Variants in GALNTL6 observed in about 807,000 individuals in gnomAD.
GALNTL6 encodes polypeptide N-acetylgalactosaminyltransferase-like 6.
Under a neutral mutation model 73.7 loss-of-function variants are expected in GALNTL6, and 46 were observed. The observed-to-expected ratio is 0.62, with a 90% confidence interval of 0.49 to 0.80. The LOEUF (loss-of-function observed/expected upper bound fraction) is 0.80. Ranked by LOEUF, GALNTL6 falls within the 30% of genes least tolerant of loss-of-function variation. The pLI is 0.00. For missense variants in GALNTL6, 604 were observed against 755.0 expected, an observed-to-expected ratio of 0.80 and a Z score of 2.34; for synonymous variants, 259 against 263.7, an observed-to-expected ratio of 0.98 and a Z score of 0.17.
chr4:171,867,314 C>G (rs1659977252), intron 2 of GALNTL6, among the ~76,000 whole-genome samples: 1 of 152,110 alleles, frequency 6.6e-6, no homozygotes. Context: ...TAAAGGTCAT[C>G]TTGTATAATA....
chr4:172,759,734 T>C (rs1003864023), intron 5 of GALNTL6, among the ~76,000 whole-genome samples: 4 of 151,688 alleles, frequency 2.6e-5, no homozygotes, highest in Non-Finnish European at 5.9e-5. Context: ...CTTAGGATAT[T>C]ACACAGAGAA....
chr4:172,973,840 T>C (rs1355216473), intron 10 of GALNTL6, among the ~76,000 whole-genome samples: 2 of 152,180 alleles, frequency 1.3e-5, no homozygotes, highest in Non-Finnish European at 2.9e-5. Flanking sequence ...GCTAAAGTAT[T>C]AGGAGTGAAA....
chr4:172,913,345 C>A (rs756875055), intron 8 of GALNTL6, among the ~76,000 whole-genome samples: 1 of 152,178 alleles, frequency 6.6e-6, no homozygotes, highest in Admixed American at 6.5e-5. Flanking sequence ...TCCAAAGGAT[C>A]GCAGCTCCTC....
chr4:172,825,479 C>G (rs1411715040), intron 7 of GALNTL6, among the ~76,000 whole-genome samples: 1 of 152,102 alleles, frequency 6.6e-6, no homozygotes, highest in Non-Finnish European at 1.5e-5. Context: ...GCGTGTTTTT[C>G]TATCAGTGGG....
intron 2 of GALNTL6, among the ~76,000 whole-genome samples, chr4:172,076,169 T>C (rs911006507): frequency 3.3e-5 from 5 of 152,222 alleles, no homozygotes; most frequent in Admixed American, 2.6e-4. Flanking sequence ...TATTGAGAAT[T>C]TATGTTTCTC....
chr4:171,939,152 G>A (rs1328465515), intron 2 of GALNTL6, among the ~76,000 whole-genome samples: 4 of 151,792 alleles, frequency 2.6e-5, no homozygotes, highest in South Asian at 2.1e-4. Context: ...GAAGTAGTGG[G>A]GTAGCTAGTG....
chr4:172,286,951 G>C (rs1284295908), intron 3 of GALNTL6, among the ~76,000 whole-genome samples: 2 of 152,176 alleles, frequency 1.3e-5, no homozygotes, highest in Non-Finnish European at 2.9e-5. Flanking sequence ...GACAACTCTA[G>C]ATGCTCAATC....
chr4:172,431,302 T>A (rs1294100828), intron 5 of GALNTL6, among the ~76,000 whole-genome samples: 1 of 152,186 alleles, frequency 6.6e-6, no homozygotes, highest in Non-Finnish European at 1.5e-5. Flanking sequence ...TCAAACGCAG[T>A]GTCAGGGAAG....
At chr4:171,907,174 G>A (rs904705786) in intron 2 of GALNTL6, among the ~76,000 whole-genome samples, 2 of 152,034 alleles carry the variant, frequency 1.3e-5, no homozygotes, top group African/African-American at 2.4e-5. Context: ...GAAATAAAGG[G>A]TATTCAATTA....
intron 5 of GALNTL6, among the ~76,000 whole-genome samples, chr4:172,564,112 C>T (rs1472370): frequency 0.45 from 67,885 of 151,964 alleles, 17,472 homozygotes; most frequent in East Asian, 0.67. Flanking sequence ...CCTCTCGTGT[C>T]TTAAAGAACT....
At chr4:172,696,090 G>A (rs1449663846) in intron 5 of GALNTL6, among the ~76,000 whole-genome samples, 2 of 152,168 alleles carry the variant, frequency 1.3e-5, no homozygotes, top group East Asian at 1.9e-4. Flanking sequence ...CAATGATAAT[G>A]TGTGGGATTC....
intron 8 of GALNTL6, among the ~76,000 whole-genome samples, chr4:172,894,599 T>C (rs1356466508): frequency 6.6e-6 from 1 of 152,202 alleles, no homozygotes; most frequent in African/African-American, 2.4e-5. Context: ...GCCTAACATA[T>C]AGTTTATTCT....
At chr4:172,663,899 C>T (rs1731517948) in intron 5 of GALNTL6, among the ~76,000 whole-genome samples, 1 of 150,184 alleles carries the variant, frequency 6.7e-6, no homozygotes, top group South Asian at 2.1e-4. Context: ...CACTGCACTC[C>T]AGCCTGGGTG....
chr4:171,935,144 G>A (rs577285561), intron 2 of GALNTL6, among the ~76,000 whole-genome samples: 4 of 152,150 alleles, frequency 2.6e-5, no homozygotes, highest in Admixed American at 2.0e-4. Flanking sequence ...AGGTACTTCC[G>A]GACAGGTTCC....
At chr4:172,914,304 G>A (rs904711748) in intron 8 of GALNTL6, among the ~76,000 whole-genome samples, 1 of 152,200 alleles carries the variant, frequency 6.6e-6, no homozygotes, top group Non-Finnish European at 1.5e-5. Flanking sequence ...ATGCCAAATT[G>A]TAAAGACCAT....
At chr4:172,722,607 A>G (rs1360389801) in intron 5 of GALNTL6, among the ~76,000 whole-genome samples, 1 of 152,176 alleles carries the variant, frequency 6.6e-6, no homozygotes, top group Non-Finnish European at 1.5e-5. Context: ...ATGAAAATAT[A>G]AGAAAAGATC....
At chr4:172,829,175 C>G (rs1362738750) in intron 7 of GALNTL6, among the ~76,000 whole-genome samples, 1 of 152,216 alleles carries the variant, frequency 6.6e-6, no homozygotes, top group African/African-American at 2.4e-5. Context: ...TCGCCATCCA[C>G]CTACATGCAC....
At chr4:172,143,002 T>C (rs1346849117) in intron 2 of GALNTL6, among the ~76,000 whole-genome samples, 1 of 151,904 alleles carries the variant, frequency 6.6e-6, no homozygotes, top group East Asian at 1.9e-4. Flanking sequence ...TATGTATGGA[T>C]AGATAGATAG....
intron 3 of GALNTL6, among the ~76,000 whole-genome samples, chr4:172,293,602 G>C (rs1739549144): frequency 6.6e-6 from 1 of 152,044 alleles, no homozygotes; most frequent in Non-Finnish European, 1.5e-5. Flanking sequence ...CCTCTGTTCT[G>C]CGTAGTCACT....
Sources: gnomAD v4.1 joint callset for allele counts (sites outside exome capture counted in the v4.1 genomes callset) on GRCh38, gnomAD v4.1.1 for gene constraint, MANE v1.5 for transcripts, NCBI Gene and HGNC (gene_info 2026-07-23, HGNC 2026-07-21) for gene names.